The following CYP4X1 variants were observed in gnomAD, a reference collection of about 807,000 sequenced individuals.
CYP4X1 encodes cytochrome P450 family 4 subfamily X member 1.
CYP4X1 carries 44 observed loss-of-function variants against 57.9 expected under a neutral mutation model. The ratio of observed to expected loss-of-function variants is 0.76; its 90% confidence interval spans 0.60 to 0.98. The LOEUF (loss-of-function observed/expected upper bound fraction) is 0.98. CYP4X1 is among the 50% of genes least tolerant of loss of function. CYP4X1 has a pLI of 0.00. For synonymous variants in CYP4X1, 227 were observed against 228.6 expected, an observed-to-expected ratio of 0.99 and a Z score of 0.06; for missense variants, 532 against 623.9, an observed-to-expected ratio of 0.85 and a Z score of 1.57.
the CYP4X1 span, among the ~76,000 whole-genome samples, chr1:46,979,215 T>C: frequency 6.6e-6 from 1 of 151,744 alleles, no homozygotes; most frequent in African/African-American, 2.4e-5. Context: ...TCAACAAAAT[T>C]GATAGACCAC....
the CYP4X1 span, among the ~76,000 whole-genome samples, chr1:47,005,379 G>A: frequency 6.6e-6 from 1 of 152,214 alleles, no homozygotes; most frequent in South Asian, 2.1e-4. Context: ...GTGCTCTTTG[G>A]AGTCTGGGGG....
At chr1:46,991,529 C>G in the CYP4X1 span, among the ~76,000 whole-genome samples, 1 of 152,158 alleles carries the variant, frequency 6.6e-6, no homozygotes, top group African/African-American at 2.4e-5. Flanking sequence ...GTTAAAGCAC[C>G]CTTGTTTGAT....
At chr1:46,993,089 C>A in the CYP4X1 span, among the ~76,000 whole-genome samples, 3 of 122,154 alleles carry the variant, frequency 2.5e-5, no homozygotes, top group Admixed American at 9.3e-5. Context: ...CCCCTCCCCC[C>A]ACCCCACAAC....
At chr1:46,992,067 G>A in the CYP4X1 span, among the ~76,000 whole-genome samples, 1 of 152,166 alleles carries the variant, frequency 6.6e-6, no homozygotes, top group South Asian at 2.1e-4. Flanking sequence ...AGCACTTTGG[G>A]AAGCCATGGT....
upstream of CYP4X1, among the ~76,000 whole-genome samples, chr1:47,020,372 CTCAG>C (rs1643983043): frequency 6.6e-6 from 1 of 152,234 alleles, no homozygotes; most frequent in Admixed American, 6.5e-5. Context: ...TAAATATTCA[CTCAG>C]TAAGTGAATG....
At chr1:47,039,191 T>A in intron 7 of CYP4X1, 151 bp from the exon 8 acceptor site, 3 of 674,042 alleles carry the variant, frequency 4.5e-6, no homozygotes, top group Non-Finnish European at 6.9e-6. Context: ...TTGGGCAGAA[T>A]ATGGTTTATA....
At chr1:47,004,959 T>C in the CYP4X1 span, among the ~76,000 whole-genome samples, 1 of 152,178 alleles carries the variant, frequency 6.6e-6, no homozygotes, top group Non-Finnish European at 1.5e-5. Flanking sequence ...CCACAAATTA[T>C]AAGGTGGCTA....
At chr1:47,048,055 C>A (rs1037770887) in intron 9 of CYP4X1, among the ~76,000 whole-genome samples, 1 of 145,816 alleles carries the variant, frequency 6.9e-6, no homozygotes, top group African/African-American at 2.6e-5. Flanking sequence ...CTAGCCTGGG[C>A]AACATAGGGA....
the CYP4X1 span, among the ~76,000 whole-genome samples, chr1:47,006,419 C>G: frequency 6.6e-6 from 1 of 152,154 alleles, no homozygotes; most frequent in South Asian, 2.1e-4. Flanking sequence ...AAAAGAATAA[C>G]TTTGTCTGAT....
upstream of CYP4X1, among the ~76,000 whole-genome samples, chr1:47,020,204 T>C (rs1357934163): frequency 6.6e-6 from 1 of 152,198 alleles, no homozygotes; most frequent in Non-Finnish European, 1.5e-5. Context: ...CCATGTAGAA[T>C]GCCCTTTCCT....
At position 47,031,469 on chromosome 1, in the gene CYP4X1, C is replaced by G; in HGVS notation, c.353C>G (p.Pro118Arg). 2 of 1,614,112 alleles carry G rather than the reference C, an allele frequency of 1.2e-6. No individual in the cohort carries two copies. Among genetic ancestry groups the G allele is most frequent in the Non-Finnish European group, 8.5e-7 (1 of 1,179,994 alleles). Residue 118 changes from proline (P) to arginine (R), a missense_variant, in exon 3 of 12, where the codon CCT becomes CGT. By Grantham distance (103) the Pro-to-Arg change is moderately radical. Transcript: ENST00000371901. Reference protein sequence around the residue: ...PKSQYLQKFSPPLLGKGLAAL... With the variant: ...PKSQYLQKFSRPLLGKGLAAL... ...TCCCAGTACCTGCAGAAATTCTCACCTCCACTTCTTGGTATGTATGTGCAA... is the reference window on the plus strand; with the variant it reads ...TCCCAGTACCTGCAGAAATTCTCACGTCCACTTCTTGGTATGTATGTGCAA...
intron 2 of CYP4X1, 33 bp downstream of exon 2, chr1:47,030,164 C>G (rs1383633759): frequency 1.9e-6 from 3 of 1,587,054 alleles, no homozygotes; most frequent in Admixed American, 1.8e-5. Flanking sequence ...GGGACCTATT[C>G]CTCCTAGAAG....
the CYP4X1 span, among the ~76,000 whole-genome samples, chr1:47,003,376 T>C: frequency 2.0e-5 from 3 of 152,318 alleles, no homozygotes; most frequent in South Asian, 4.1e-4. Context: ...GTGAACTGTA[T>C]GGCTCAGAGG....
At chr1:47,008,593 T>C in the CYP4X1 span, among the ~76,000 whole-genome samples, 1 of 152,150 alleles carries the variant, frequency 6.6e-6, no homozygotes, top group Non-Finnish European at 1.5e-5. Context: ...TAAATGTAAA[T>C]GGGCTAAATG....
chr1:47,028,325 A>C (rs917941014), intron 1 of CYP4X1, among the ~76,000 whole-genome samples: 15 of 152,190 alleles, frequency 9.9e-5, no homozygotes, highest in Non-Finnish European at 1.9e-4. Context: ...CAGATCATTT[A>C]ACCTAGTCTG....
chr1:47,031,537 AG>A, intron 3 of CYP4X1, 57 bp downstream of exon 3: 1 of 1,577,248 alleles, frequency 6.3e-7, no homozygotes, highest in African/African-American at 1.4e-5. Context: ...CCCTTTCCAT[AG>A]TAGAGCATGC....
the CYP4X1 span, chr1:46,961,659 T>A: frequency 7.7e-7 from 1 of 1,290,856 alleles, no homozygotes; most frequent in Admixed American, 2.3e-5. Context: ...TCAAGGTGCC[T>A]CCTCTGGGAA....
At chr1:47,024,048 G>C in intron 1 of CYP4X1, 54 bp downstream of exon 1, 1 of 1,552,318 alleles carries the variant, frequency 6.4e-7, no homozygotes, top group Non-Finnish European at 8.7e-7. Context: ...GGAGGATGCG[G>C]CAGAGGAGCC....
the CYP4X1 span, among the ~76,000 whole-genome samples, chr1:46,998,272 C>G: frequency 2.0e-5 from 3 of 152,034 alleles, no homozygotes; most frequent in Non-Finnish European, 4.4e-5. Context: ...ACATCCTGGA[C>G]TCGAGTGATC....
Sources: allele counts gnomAD v4.1 joint callset (sites outside exome capture counted in the v4.1 genomes callset), GRCh38; gene constraint gnomAD v4.1.1; transcripts MANE v1.5; gene names NCBI Gene and HGNC (gene_info 2026-07-23, HGNC 2026-07-21).